LIN52: variants seen among roughly 807,000 people sequenced by gnomAD.
LIN52 encodes protein lin-52 homolog.
LIN52 carries 4 observed loss-of-function variants against 18.5 expected under a neutral mutation model. That is an observed-to-expected ratio of 0.22 (90% CI 0.11 to 0.49). The LOEUF (loss-of-function observed/expected upper bound fraction) is 0.49. LIN52 is among the 20% of genes least tolerant of loss of function. The pLI is 0.97. For synonymous variants in LIN52, 34 were observed against 45.5 expected, an observed-to-expected ratio of 0.75 and a Z score of 1.02; for missense variants, 102 against 139.5, an observed-to-expected ratio of 0.73 and a Z score of 1.35.
intron 5 of LIN52, among the ~76,000 whole-genome samples, chr14:74,106,286 G>GT (rs1032389276): frequency 2.7e-5 from 4 of 150,936 alleles, no homozygotes; most frequent in African/African-American, 4.8e-5. Flanking sequence ...TTTTGTGTTT[G>GT]TTTTTTTGAG....
intron 5 of LIN52, among the ~76,000 whole-genome samples, chr14:74,148,001 G>T (rs79321986): frequency 0.14 from 20,900 of 152,070 alleles, 2,003 homozygotes; most frequent in East Asian, 0.58. Context: ...TGACTTTTAT[G>T]CTATGTGAAT....
At chr14:74,145,070 C>G (rs2061148037) in intron 5 of LIN52, among the ~76,000 whole-genome samples, 1 of 152,200 alleles carries the variant, frequency 6.6e-6, no homozygotes, top group African/African-American at 2.4e-5. Context: ...CTAAAGAACT[C>G]TGAGTGGTAG....
intron 5 of LIN52, among the ~76,000 whole-genome samples, chr14:74,128,712 C>G (rs1566856022): frequency 1.3e-5 from 2 of 152,180 alleles, no homozygotes; most frequent in Admixed American, 6.6e-5. Flanking sequence ...GAGGCTGAGA[C>G]AGGCAGATCA....
rs746514417 is a variant in LIN52, at chr14:74,101,172, A to G, written c.217A>G (p.Thr73Ala). 1.2e-6 allele frequency: 2 copies of G among 1,611,706 alleles called. No individual in the cohort carries two copies. The highest frequency in any genetic ancestry group is 2.2e-5 in the East Asian group (1 of 44,824). Reference sequence around the variant, plus strand: ...TGTTTCAGAACTGGGGAGTCTCACCACGGCTAATTTGATGGAGAAGGTTCG... The same window carrying G: ...TGTTTCAGAACTGGGGAGTCTCACCGCGGCTAATTTGATGGAGAAGGTTCG... ...DMLKELGSLT[T>A]ANLMEKVRGL... Residue 73 changes from threonine (T) to alanine (A), a missense_variant, in exon 5 of 6, where the codon ACG becomes GCG. Transcript: ENST00000555028.
intron 5 of LIN52, among the ~76,000 whole-genome samples, chr14:74,104,257 A>G (rs2060882961): frequency 6.6e-6 from 1 of 152,150 alleles, no homozygotes; most frequent in Non-Finnish European, 1.5e-5. Flanking sequence ...CAATTTTTTT[A>G]ACAAACTTGT....
At chr14:74,165,453 A>T in intron 5 of LIN52, among the ~76,000 whole-genome samples, 1 of 151,904 alleles carries the variant, frequency 6.6e-6, no homozygotes, top group Non-Finnish European at 1.5e-5. Context: ...AGAATCAGCT[A>T]AACAGAGTGA....
At chr14:74,133,027 A>C (rs1281747672) in intron 5 of LIN52, among the ~76,000 whole-genome samples, 1 of 151,994 alleles carries the variant, frequency 6.6e-6, no homozygotes, top group African/African-American at 2.4e-5. Context: ...AAAAAAAAAC[A>C]ACCCATTTCT....
intron 5 of LIN52, among the ~76,000 whole-genome samples, chr14:74,110,897 T>C (rs10134107): frequency 0.24 from 33,863 of 141,594 alleles, 4,116 homozygotes; most frequent in South Asian, 0.48. Context: ...ACCTGGGAGG[T>C]GGAGCTTGCA....
At chr14:74,096,353 C>G (rs1485868214) in intron 3 of LIN52, among the ~76,000 whole-genome samples, 1 of 151,954 alleles carries the variant, frequency 6.6e-6, no homozygotes, top group Non-Finnish European at 1.5e-5. Context: ...AGCCACCGCG[C>G]CTGGCCTTTT....
At chr14:74,187,693 G>A (rs946181871) in intron 5 of LIN52, among the ~76,000 whole-genome samples, 1 of 152,164 alleles carries the variant, frequency 6.6e-6, no homozygotes, top group African/African-American at 2.4e-5. Context: ...ACATCTGTGT[G>A]CACGTTACTT....
At chr14:74,121,476 T>C (rs998001728) in intron 5 of LIN52, among the ~76,000 whole-genome samples, 4 of 152,382 alleles carry the variant, frequency 2.6e-5, no homozygotes, top group East Asian at 1.9e-4. Context: ...GATACTTTAA[T>C]GCATCAACTG....
At chr14:74,192,839 G>A in intron 5 of LIN52, 1 of 174,996 alleles carries the variant, frequency 5.7e-6, no homozygotes, top group Non-Finnish European at 1.2e-5. Context: ...AAGGGAACCT[G>A]CTCTTTACTG....
intron 1 of LIN52, among the ~76,000 whole-genome samples, chr14:74,088,993 T>C (rs1032018957): frequency 6.6e-6 from 1 of 152,162 alleles, no homozygotes; most frequent in African/African-American, 2.4e-5. Flanking sequence ...GGAGGAACTT[T>C]AAGCTGGAGA....
At chr14:74,162,162 A>AT (rs2061228254) in intron 5 of LIN52, among the ~76,000 whole-genome samples, 1 of 152,190 alleles carries the variant, frequency 6.6e-6, no homozygotes, top group African/African-American at 2.4e-5. Flanking sequence ...AAAATAAAAA[A>AT]TCTGACAGTA....
At chr14:74,114,593 T>TAAC (rs369626893) in intron 5 of LIN52, among the ~76,000 whole-genome samples, 2,025 of 152,156 alleles carry the variant, frequency 0.013, 39 homozygotes, top group African/African-American at 0.046. Flanking sequence ...GATGCCTGCT[T>TAAC]AACAACAACA....
At chr14:74,118,410 A>G (rs996557642) in intron 5 of LIN52, among the ~76,000 whole-genome samples, 2 of 152,226 alleles carry the variant, frequency 1.3e-5, no homozygotes, top group African/African-American at 4.8e-5. Flanking sequence ...CACACAAATT[A>G]TAATGTACAA....
intron 5 of LIN52, among the ~76,000 whole-genome samples, chr14:74,134,126 C>T (rs2061084023): frequency 6.6e-6 from 1 of 152,204 alleles, no homozygotes; most frequent in Admixed American, 6.5e-5. Flanking sequence ...TCTGAGGTTT[C>T]CGACATGCTG....
chr14:74,129,053 G>C (rs566413804), intron 5 of LIN52, among the ~76,000 whole-genome samples: 6 of 152,324 alleles, frequency 3.9e-5, no homozygotes, highest in African/African-American at 9.6e-5. Context: ...TTGTTAACTG[G>C]AGACATTGTT....
chr14:74,141,039 A>G (rs2061127729), intron 5 of LIN52, among the ~76,000 whole-genome samples: 1 of 152,226 alleles, frequency 6.6e-6, no homozygotes, highest in East Asian at 1.9e-4. Context: ...TCAATTATCA[A>G]ACACTGTAAT....
Sources: allele counts gnomAD v4.1 joint callset (sites outside exome capture counted in the v4.1 genomes callset), GRCh38; gene constraint gnomAD v4.1.1; transcripts MANE v1.5; gene names NCBI Gene and HGNC (gene_info 2026-07-23, HGNC 2026-07-21).